PPP1R16A: variants seen among roughly 807,000 people sequenced by gnomAD.
PPP1R16A encodes protein phosphatase 1 regulatory subunit 16A.
In PPP1R16A, 39 loss-of-function variants were observed where a neutral mutation model predicts 46.6. The ratio of observed to expected loss-of-function variants is 0.84; its 90% confidence interval spans 0.65 to 1.09. The LOEUF is 1.09. Ranked by LOEUF, PPP1R16A falls within the 50% of genes least tolerant of loss-of-function variation. The pLI is 0.00. For synonymous variants in PPP1R16A, 413 were observed against 321.5 expected (o/e 1.28, Z -3.04); for missense variants, 798 against 735.6 (o/e 1.08, Z -0.98).
rs1246954522 is a variant in PPP1R16A, at chr8:144,500,990, A to AGGCCCCGCCCCGGGCTT, written c.1037+28_1037+44dup. On this transcript the variant is annotated intron_variant, in intron 10 of 11. Transcript: ENST00000435887. The stretch of plus-strand genomic sequence containing the variant: ...GCCGCGGGTGAGCGCCGCCCCCAGC[A>AGGCCCCGCCCCGGGCTT]GGCCCCGCCCCGGGCTTGGCCCCGC... The AGGCCCCGCCCCGGGCTT allele has an allele frequency of 4.9e-6, 7 of 1,432,436 alleles. No individual in the cohort carries two copies. Among genetic ancestry groups the AGGCCCCGCCCCGGGCTT allele is most frequent in the African/African-American group, 3.0e-5 (2 of 66,764 alleles). 88.7% of individuals were successfully genotyped at this position (1,432,436 alleles called of 1,614,324 possible). A position where few individuals can be genotyped will look rare whatever the true frequency, so the allele number is the denominator to read the frequency against.
At position 144,497,094 on chromosome 8, in the gene PPP1R16A, G is replaced by A; in HGVS notation, c.-101G>A. 2 of 1,468,596 alleles carry A rather than the reference G, an allele frequency of 1.4e-6. No homozygotes were observed. Among genetic ancestry groups the A allele is most frequent in the East Asian group, 2.5e-5 (1 of 40,328 alleles). The allele number at this position is 1,468,596 out of a possible 1,614,324, so 91.0% of individuals were successfully genotyped here. ...GCTCTGGGAAGGGGATGCCCCCGAG[G>A]GTGCCAGTCCAGCTAGCTGCCCCAC... On this transcript the variant is annotated 5_prime_UTR_variant, in exon 3 of 12. Coordinates refer to ENST00000435887, the MANE Select transcript of PPP1R16A (RefSeq NM_001329443.2).
At chr8:144,494,210 G>A (rs897480220) in intron 2 of PPP1R16A, among the ~76,000 whole-genome samples, 1 of 152,094 alleles carries the variant, frequency 6.6e-6, no homozygotes, top group African/African-American at 2.4e-5. Context: ...GGGCTCAAGC[G>A]ACCAGCCTGC....
At position 144,496,826 on chromosome 8, in the gene PPP1R16A, A is replaced by C; in HGVS notation, c.-369A>C. On this transcript the variant is annotated 5_prime_UTR_variant, in exon 3 of 12. Coordinates refer to ENST00000435887, the MANE Select transcript of PPP1R16A (RefSeq NM_001329443.2). ...GGTGCCCGGAAGCTGGAACCTTGTT[A>C]TCTGGGTAATTAGTTTCAGACCCTG... The C allele has an allele frequency of 1.0e-5, 3 of 292,602 alleles. No individual in the cohort carries two copies. The highest frequency in any genetic ancestry group is 4.7e-5 in the South Asian group (1 of 21,216). 18.1% of individuals were successfully genotyped at this position (292,602 alleles called of 1,614,324 possible).
rs116251628 is a variant in PPP1R16A at position 144,483,160 on chromosome 8, G to A, written c.-914+5033G>A. 2.9e-3 allele frequency among the ~76,000 whole-genome samples: 438 copies of A among 152,278 alleles called. 1 individual carries two copies. Among genetic ancestry groups the A allele is most frequent in the African/African-American group, 9.9e-3 (411 of 41,552 alleles). ...TATGTTGTGTGGCTGACAGAGTTACGTTCTGTTCTGTAACGATGTTCACAT... is the reference window on the plus strand; with the variant it reads ...TATGTTGTGTGGCTGACAGAGTTACATTCTGTTCTGTAACGATGTTCACAT... On this transcript the variant is annotated intron_variant, in intron 1 of 11. Coordinates refer to ENST00000435887, the MANE Select transcript of PPP1R16A (RefSeq NM_001329443.2).
At chr8:144,486,603 C>T (rs896284216) in intron 1 of PPP1R16A, among the ~76,000 whole-genome samples, 11 of 152,164 alleles carry the variant, frequency 7.2e-5, no homozygotes, top group African/African-American at 2.7e-4. Context: ...TTACGAATGG[C>T]GGGTGATGTT....
At chr8:144,485,911 A>T (rs1017638379) in intron 1 of PPP1R16A, among the ~76,000 whole-genome samples, 1 of 152,162 alleles carries the variant, frequency 6.6e-6, no homozygotes, top group Non-Finnish European at 1.5e-5. Flanking sequence ...CCATTACGAG[A>T]ATGCTCCATA....
Position 144,501,112 on chromosome 8 carries a change from T to G in PPP1R16A, c.1038-17T>G, listed in dbSNP as rs1702199283. On this transcript the variant is annotated splice_polypyrimidine_tract_variant and intron_variant, in intron 10 of 11. Coordinates refer to ENST00000435887, the MANE Select transcript of PPP1R16A (RefSeq NM_001329443.2). ...GCACTCCCCTTCCCCTCACTCCCTC[T>G]CCTCTCTCCTCCCCAGGAAGGTGGT... The G allele has an allele frequency of 6.2e-7, 1 of 1,609,294 alleles. No individual in the cohort carries two copies. The highest frequency in any genetic ancestry group is 8.5e-7 in the Non-Finnish European group (1 of 1,179,290).
intron 3 of PPP1R16A, chr8:144,498,182 C>T (rs568885758): frequency 2.6e-5 from 11 of 431,190 alleles, no homozygotes; most frequent in East Asian, 7.2e-5. Context: ...AGGGAAGAGG[C>T]GGAGGGTGCC....
At position 144,489,061 on chromosome 8, in the gene PPP1R16A, G is replaced by A. The variant is rs567808003; in HGVS notation, c.-913-973G>A. ...TCTACTAAAAATACAAATATTAGCC[G>A]GGTGTTGTGGCACACACCTATAATT... On this transcript the variant is annotated intron_variant, in intron 1 of 11. Transcript: ENST00000435887. 1.1e-3 allele frequency among the ~76,000 whole-genome samples: 164 copies of A among 150,860 alleles called. 1 individual carries two copies. Among genetic ancestry groups the A allele is most frequent in the African/African-American group, 3.8e-3 (156 of 40,962 alleles).
At chr8:144,488,035 T>A (rs1825679328) in intron 1 of PPP1R16A, among the ~76,000 whole-genome samples, 1 of 152,252 alleles carries the variant, frequency 6.6e-6, no homozygotes, top group South Asian at 2.1e-4. Context: ...TTGTTAGGCT[T>A]ATTCCGAGGC....
At chr8:144,480,842 TATTTTA>T (rs1209785522) in intron 1 of PPP1R16A, among the ~76,000 whole-genome samples, 8 of 152,082 alleles carry the variant, frequency 5.3e-5, no homozygotes, top group Non-Finnish European at 1.0e-4. Context: ...AAGATGCACC[TATTTTA>T]ATGGGTTTTG....
Position 144,493,450 on chromosome 8 carries a change from A to T in PPP1R16A, c.-734-3011A>T, listed in dbSNP as rs938225582. On this transcript the variant is annotated intron_variant, in intron 2 of 11. Coordinates refer to ENST00000435887, the MANE Select transcript of PPP1R16A (RefSeq NM_001329443.2). This position sits in a 1 kb window ranked among gnomAD's most constrained non-coding sequence, Gnocchi z 4.3. The stretch of plus-strand genomic sequence containing the variant: ...GCTCTCATGGCTCAGCCAAGGGGCA[A>T]GTCTTCTCAGCTCTGGTGGGCTGTT... Among the ~76,000 whole-genome samples the T allele has an allele frequency of 6.6e-6, 1 of 152,146 alleles. No homozygotes were observed. The highest frequency in any genetic ancestry group is 1.5e-5 in the Non-Finnish European group (1 of 67,998).
intron 1 of PPP1R16A, 155 bp downstream of exon 1, chr8:144,478,282 G>A (rs1313672033): frequency 5.2e-6 from 2 of 384,860 alleles, no homozygotes; most frequent in Non-Finnish European, 9.2e-6. Flanking sequence ...GGAGAGGGAG[G>A]AGGCCGGGAA....
chr8:144,483,520 G>A lies in PPP1R16A; in HGVS notation c.-914+5393G>A, dbSNP rs183335048. Among the ~76,000 whole-genome samples, 28 of 151,364 alleles carry A rather than the reference G, an allele frequency of 1.8e-4. No individual in the cohort carries two copies. In the East Asian group the frequency reaches 2.5e-3, roughly 14 times the overall value. ...TGCCTCCTGGATTCAAGTGATTCTC[G>A]TGCCTCAGCTTCCTGAGTAGCTGAG... On this transcript the variant is annotated intron_variant, in intron 1 of 11. Transcript: ENST00000435887.
At chr8:144,479,463 C>G (rs989456836) in intron 1 of PPP1R16A, among the ~76,000 whole-genome samples, 1 of 152,188 alleles carries the variant, frequency 6.6e-6, no homozygotes, top group Admixed American at 6.5e-5. Flanking sequence ...ATTGGCCTGT[C>G]CTGGCCTCAT....
At chr8:144,480,404 T>A (rs1345702073) in intron 1 of PPP1R16A, among the ~76,000 whole-genome samples, 1 of 152,176 alleles carries the variant, frequency 6.6e-6, no homozygotes, top group African/African-American at 2.4e-5. Context: ...AACCTCTGCC[T>A]CCCGCGTTCA....
Position 144,497,578 on chromosome 8 carries a change from T to G in PPP1R16A, c.259+125T>G. On this transcript the variant is annotated intron_variant, in intron 3 of 11. Coordinates refer to ENST00000435887, the MANE Select transcript of PPP1R16A (RefSeq NM_001329443.2). The stretch of plus-strand genomic sequence containing the variant: ...GCTCCTGGGCTCCAGCCCCCAGATC[T>G]TGCCTGGTCTCTTCAGGCTGGGTGG... 2.2e-6 allele frequency: 3 copies of G among 1,389,920 alleles called. No individual in the cohort carries two copies. The South Asian group carries it at 3.6e-5, about 17-fold the overall frequency. 86.1% of individuals were successfully genotyped at this position (1,389,920 alleles called of 1,614,324 possible).
chr8:144,482,553 A>G (rs1334619052), intron 1 of PPP1R16A, among the ~76,000 whole-genome samples: 2 of 148,718 alleles, frequency 1.3e-5, no homozygotes, highest in Admixed American at 6.7e-5. Flanking sequence ...TCCCGGGTTT[A>G]AGCATTTCTC....
chr8:144,499,396 G>C, intron 5 of PPP1R16A: 1 of 343,826 alleles, frequency 2.9e-6, no homozygotes, highest in South Asian at 6.4e-5. Flanking sequence ...AGGCCAGGTG[G>C]CTTGGGAGGA....
Sources: gnomAD v4.1 joint callset for allele counts (sites outside exome capture counted in the v4.1 genomes callset) on GRCh38, gnomAD v4.1.1 for gene constraint, Gnocchi (gnomAD v3.1) non-coding constraint, MANE v1.5 for transcripts, NCBI Gene and HGNC (gene_info 2026-07-23, HGNC 2026-07-21) for gene names.